The following KRT26 variants were observed in gnomAD, a reference collection of about 807,000 sequenced individuals.
The protein encoded by KRT26 is keratin, type I cytoskeletal 26.
Under a neutral mutation model 46.1 loss-of-function variants are expected in KRT26, and 45 were observed. The observed-to-expected ratio is 0.98, with a 90% CI of 0.77 to 1.25. The LOEUF (loss-of-function observed/expected upper bound fraction) is 1.25. KRT26 is among the 50% of genes most tolerant of loss of function. The pLI is 0.00. For missense variants in KRT26, 582 were observed against 560.1 expected (o/e 1.04, Z -0.39); for synonymous variants, 191 against 209.9 (o/e 0.91, Z 0.78).
chr17:40,769,875 G>A (rs1369771808), exon 5 of KRT26: 1 of 1,614,180 alleles, frequency 6.2e-7, no homozygotes, highest in Admixed American at 1.7e-5. Flanking sequence ...TTGCAGCGTT[G>A]CACTCTGAAG....
chr17:40,770,086 C>A (rs140162962), exon 4 of KRT26: 1 of 1,614,142 alleles, frequency 6.2e-7, no homozygotes, highest in South Asian at 1.1e-5. Flanking sequence ...TCCACGTTCA[C>A]GTTCCCCCCA....
At chr17:40,771,920 C>T (rs1297189840) in exon 1 of KRT26, 1 of 1,614,198 alleles carries the variant, frequency 6.2e-7, no homozygotes, top group Admixed American at 1.7e-5. Flanking sequence ...ACAGGCACCA[C>T]TTCCCAACCC....
chr17:40,771,651 T>C, intron 1 of KRT26, 22 bp downstream of exon 1: 4 of 1,572,870 alleles, frequency 2.5e-6, no homozygotes, highest in African/African-American at 1.4e-5. Flanking sequence ...GTAGTAAAAG[T>C]ATGCAAATCC....
intron 7 of KRT26, among the ~76,000 whole-genome samples, chr17:40,767,232 C>A (rs952465636): frequency 6.6e-6 from 1 of 152,172 alleles, no homozygotes; most frequent in African/African-American, 2.4e-5. Flanking sequence ...GCAGTAAAGG[C>A]TGGCTGCAAG....
chr17:40,769,759 C>T (rs2144145961), exon 5 of KRT26: 1 of 1,614,132 alleles, frequency 6.2e-7, no homozygotes, highest in South Asian at 1.1e-5. Context: ...CGTACCACAG[C>T]CATGAGGGAC....
Position 40,770,353 on chromosome 17 carries a change from C to T in KRT26, c.581G>A (p.Arg194His), listed in dbSNP as rs140434418. The T allele has an allele frequency of 6.3e-5, 101 of 1,613,712 alleles. No homozygotes were observed. Among genetic ancestry groups the T allele is most frequent in the Middle Eastern group, 3.3e-4 (2 of 6,054 alleles). Residue 194 changes from arginine (R) to histidine (H), a missense_variant, in exon 3 of 8, where the codon CGC becomes CAC. Coordinates refer to ENST00000335552, the Ensembl canonical transcript of KRT26. ...AAGGGTCAGTTCATCCAACACTCTG[C>T]GAAGACCACTGGTGTCGGCCTCAAC... is the stretch of plus-strand genomic sequence containing the variant.
exon 8 of KRT26, chr17:40,766,546 A>G (rs776433655): frequency 6.2e-7 from 1 of 1,613,242 alleles, no homozygotes; most frequent in Middle Eastern, 1.7e-4. Flanking sequence ...TCGTTGCTCT[A>G]CTGTAATGTT....
At chr17:40,771,090 T>C in intron 2 of KRT26, 64 bp downstream of exon 2, 3 of 949,638 alleles carry the variant, frequency 3.2e-6, no homozygotes, top group South Asian at 3.7e-5. Flanking sequence ...AAATATATAT[T>C]CCTTAATCCA....
chr17:40,766,639 G>A (rs1280597404), exon 8 of KRT26: 1 of 1,612,210 alleles, frequency 6.2e-7, no homozygotes, highest in East Asian at 2.2e-5. Context: ...CTCAACCACT[G>A]TTTTAACAAT....
intron 5 of KRT26, 93 bp downstream of exon 5, chr17:40,769,661 G>A (rs1401664710): frequency 2.3e-5 from 29 of 1,284,996 alleles, no homozygotes; most frequent in Non-Finnish European, 2.8e-5. Context: ...TATGTAAATG[G>A]TTATACGTAC....
At chr17:40,770,975 A>C (rs1223291114) in intron 2 of KRT26, among the ~76,000 whole-genome samples, 179 bp downstream of exon 2, 1 of 152,224 alleles carries the variant, frequency 6.6e-6, no homozygotes, top group African/African-American at 2.4e-5. Flanking sequence ...TACAGGCATG[A>C]GCTACTCTAT....
At chr17:40,768,460 A>G (rs553087267) in intron 6 of KRT26, among the ~76,000 whole-genome samples, 1 of 152,354 alleles carries the variant, frequency 6.6e-6, no homozygotes, top group Admixed American at 6.5e-5. Context: ...CTAAGAAACT[A>G]TGGTGCCTCT....
rs554287233 is a variant in KRT26 at position 40,771,414 on chromosome 17, G to A, written c.442-178C>T. ...GCATCCAGAGCTTAAGAGCCACATAGATACTTTTACTACTTTTGATCAAAT... is the reference window on the plus strand; with the variant it reads ...GCATCCAGAGCTTAAGAGCCACATAAATACTTTTACTACTTTTGATCAAAT... On this transcript the variant is annotated intron_variant, in intron 1 of 7. Transcript: ENST00000335552. 1.6e-4 allele frequency among the ~76,000 whole-genome samples: 24 copies of A among 152,314 alleles called. No homozygotes were observed. In the East Asian group the frequency reaches 3.3e-3, roughly 21 times the overall value.
At chr17:40,771,092 C>T (rs1009770615) in intron 2 of KRT26, 62 bp downstream of exon 2, 11 of 981,136 alleles carry the variant, frequency 1.1e-5, no homozygotes, top group South Asian at 1.8e-5. Context: ...ATATATATTC[C>T]TTAATCCAAT....
At chr17:40,767,527 A>G in intron 7 of KRT26, 59 bp downstream of exon 7, 1 of 1,001,696 alleles carries the variant, frequency 1.0e-6, no homozygotes. Flanking sequence ...TAAGTAACTT[A>G]GTTAACACAA....
rs5820359 is a variant in KRT26 at position 40,767,680 on chromosome 17, A to AT, written c.1188-28dup. ...TGTGAAGAGAAGAGTAAATTATTGC[A>AT]TTTTTTTTTCTTTCCTTAGTGAGCT... On this transcript the variant is annotated intron_variant, in intron 6 of 7. Transcript: ENST00000335552. The AT allele has an allele frequency of 2.7e-3, 3,681 of 1,362,124 alleles. 7 individuals are homozygous for AT. The highest frequency in any genetic ancestry group is 0.017 in the African/African-American group (1,185 of 68,300). 84.4% of individuals were successfully genotyped at this position (1,362,124 alleles called of 1,614,324 possible). A position where few individuals can be genotyped will look rare whatever the true frequency, so the allele number is the denominator to read the frequency against.
At chr17:40,769,570 A>AT (rs2144145731) in intron 5 of KRT26, among the ~76,000 whole-genome samples, 184 bp downstream of exon 5, 1 of 152,332 alleles carries the variant, frequency 6.6e-6, no homozygotes, top group Non-Finnish European at 1.5e-5. Context: ...CTCTATTGTA[A>AT]AAAGGCATTT....
At chr17:40,766,832 C>T (rs902481960) in intron 7 of KRT26, among the ~76,000 whole-genome samples, 166 bp from the exon 8 acceptor site, 1 of 152,048 alleles carries the variant, frequency 6.6e-6, no homozygotes, top group African/African-American at 2.4e-5. Context: ...CTCTGCCTCC[C>T]GGGTTCAAGA....
At chr17:40,769,812 G>T in exon 5 of KRT26, 3 of 1,614,120 alleles carry the variant, frequency 1.9e-6, no homozygotes, top group East Asian at 2.2e-5. Flanking sequence ...TTTTAATTCG[G>T]TCAGCTCATT....
Sources: gnomAD v4.1 joint callset for allele counts (sites outside exome capture counted in the v4.1 genomes callset) on GRCh38, gnomAD v4.1.1 for gene constraint, MANE v1.5 for transcripts, NCBI Gene and HGNC (gene_info 2026-07-23, HGNC 2026-07-21) for gene names.